BCOR: variants seen among roughly 807,000 people sequenced by gnomAD.
BCOR encodes BCL6 corepressor, also known as BCL-6 corepressor.
A neutral mutation model predicts 86.7 loss-of-function variants in BCOR; 10 were observed. The observed-to-expected ratio is 0.12, with a 90% CI of 0.07 to 0.20. The LOEUF (loss-of-function observed/expected upper bound fraction) is 0.20, where lower values mean the gene tolerates loss of function less well. BCOR is among the 10% of genes least tolerant of loss of function. The pLI, the probability that BCOR is intolerant of heterozygous loss-of-function variation, is 1.00. For missense variants in BCOR, 1,259 were observed against 1,452.1 expected (o/e 0.87, Z 2.16); for synonymous variants, 611 against 609.0 (o/e 1.00, Z -0.05).
At chrX:40,140,037 C>T (rs1266098531) in intron 1 of BCOR, among the ~76,000 whole-genome samples, 1 of 110,541 alleles carries the variant, frequency 9.0e-6, no homozygotes, top group Non-Finnish European at 1.9e-5. Context: ...AGAGAAAGCA[C>T]GGAATTCCCA....
intron 14 of BCOR, among the ~76,000 whole-genome samples, chrX:40,053,231 C>G (rs1239643283): frequency 8.9e-6 from 1 of 112,138 alleles, no homozygotes; most frequent in Non-Finnish European, 1.9e-5. Flanking sequence ...TGCATACAAC[C>G]TACCATACTT....
In BCOR at chrX:40,064,472, C is replaced by G. The variant is rs374359497; in HGVS notation, c.3366G>C (p.Ser1122=). 8.3e-7 allele frequency: 1 copy of G among 1,211,041 alleles called. No homozygotes were observed. Among genetic ancestry groups the G allele is most frequent in the African/African-American group, 1.7e-5 (1 of 57,451 alleles). Residue 1122 remains serine, a synonymous_variant, in exon 7 of 15, where the codon TCG becomes TCC. Coordinates refer to ENST00000378444, the MANE Select transcript of BCOR (RefSeq NM_001123385.2). ...VSEPPADQVA[S]DMPHSPTLRV... ...GGAGGGTGGGGCTGTGAGGCATGTC[C>G]GAGGCCACCTGGTCTGCGGGAGGCT...
chrX:40,069,527 G>A (rs925796747), intron 6 of BCOR, among the ~76,000 whole-genome samples: 3 of 112,616 alleles, frequency 2.7e-5, no homozygotes, highest in Non-Finnish European at 5.6e-5. Context: ...GGGCAAGAAG[G>A]CTGGAAGCTG....
chrX:40,073,732 C>T lies in BCOR; in HGVS notation c.1614G>A (p.Gln538=), dbSNP rs1365848265. The T allele has an allele frequency of 8.3e-7, 1 of 1,211,836 alleles. No individual in the cohort carries two copies. Among genetic ancestry groups the T allele is most frequent in the Non-Finnish European group, 1.1e-6 (1 of 895,599 alleles). ...TGCGCGGGCATGATGAACTCCGCTG[C>T]TGTGGTATCGCCCAGTCCAATGCCT... ...KNKALDWAIP[Q]QRSSSCPRMG... Residue 538 remains glutamine, a synonymous_variant, in exon 4 of 15, where the codon CAG becomes CAA. Coordinates refer to ENST00000378444, the MANE Select transcript of BCOR (RefSeq NM_001123385.2).
intron 1 of BCOR, among the ~76,000 whole-genome samples, chrX:40,137,576 AATAAAAT>A (rs1365662530): frequency 1.8e-5 from 2 of 110,495 alleles, no homozygotes; most frequent in Admixed American, 9.7e-5. Context: ...AATAAAATAA[AATAAAAT>A]ATAAAATAAA....
At chrX:40,173,889 C>A (rs1423970956) in intron 1 of BCOR, among the ~76,000 whole-genome samples, 3 of 113,182 alleles carry the variant, frequency 2.7e-5, no homozygotes, top group African/African-American at 9.6e-5. Context: ...GTATGGCAGG[C>A]CTTGTCCCTG....
intron 1 of BCOR, among the ~76,000 whole-genome samples, chrX:40,116,379 C>A (rs1393176606): frequency 9.1e-6 from 1 of 109,416 alleles, no homozygotes; most frequent in Non-Finnish European, 1.9e-5. Context: ...CGCCTGTAGT[C>A]CCAGCTACTC....
chrX:40,174,398 G>A (rs1938696726), intron 1 of BCOR, among the ~76,000 whole-genome samples: 1 of 112,228 alleles, frequency 8.9e-6, no homozygotes, highest in African/African-American at 3.2e-5. Flanking sequence ...CCCTAAATCA[G>A]AATTCCAGTT....
chrX:40,085,938 G>A (rs768343138), intron 1 of BCOR, among the ~76,000 whole-genome samples: 1 of 111,909 alleles, frequency 8.9e-6, no homozygotes, highest in Admixed American at 9.4e-5. Context: ...GGGGTACCAG[G>A]AACTCAAAGA....
chrX:40,100,987 T>C (rs1198207415), upstream of BCOR, among the ~76,000 whole-genome samples: 10 of 108,773 alleles, frequency 9.2e-5, no homozygotes, highest in South Asian at 2.4e-3. Flanking sequence ...AAAAATATCT[T>C]ATTAAGGGAG....
rs767068752 is a variant in BCOR, at chrX:40,062,781, T to G, written c.4138A>C (p.Thr1380Pro). The change falls in exon 9 of 15, where the codon ACA becomes CCA. Residue 1380 changes from threonine (T) to proline (P), a missense_variant. By Grantham distance (38) the Thr-to-Pro change is conservative. Transcript: ENST00000378444. ...GCATTCTCCACGTAGTATTCCCCTG[T>G]CAGTGGCAATCCCCGCCTGGACTCC... is the stretch of plus-strand genomic sequence containing the variant. ...PQESRRGLPL[T>P]GEYYVENADG... 1 of 1,209,565 alleles carries G rather than the reference T, an allele frequency of 8.3e-7. No individual in the cohort carries two copies. Among genetic ancestry groups the G allele is most frequent in the African/African-American group, 1.8e-5 (1 of 57,008 alleles).
chrX:40,057,896 G>A (rs1934678163), intron 10 of BCOR, among the ~76,000 whole-genome samples: 1 of 111,888 alleles, frequency 8.9e-6, no homozygotes, highest in Non-Finnish European at 1.9e-5. Context: ...TGGTCCTCAC[G>A]CCCCTTGGAA....
chrX:40,080,583 C>G (rs1310812334), intron 1 of BCOR, among the ~76,000 whole-genome samples: 1 of 111,645 alleles, frequency 9.0e-6, no homozygotes, highest in Non-Finnish European at 1.9e-5. Context: ...TGCTTCCCTT[C>G]AAAGAGCCTT....
chrX:40,099,395 C>T (rs974885246), upstream of BCOR, among the ~76,000 whole-genome samples: 5 of 111,694 alleles, frequency 4.5e-5, 1 homozygote, highest in Admixed American at 4.7e-4. Flanking sequence ...CCGGACTTCG[C>T]GGCCAATGGT....
chrX:40,170,903 A>T (rs1279347016), intron 1 of BCOR, among the ~76,000 whole-genome samples: 1 of 112,178 alleles, frequency 8.9e-6, no homozygotes, highest in East Asian at 2.8e-4. Context: ...TTTTCTACCT[A>T]AGAGAGACTG....
At chrX:40,130,455 C>A (rs1036971354) in intron 1 of BCOR, among the ~76,000 whole-genome samples, 52 of 112,378 alleles carry the variant, frequency 4.6e-4, no homozygotes, top group Admixed American at 2.4e-3. Flanking sequence ...TCAATGAGAT[C>A]ATGGAGACGT....
chrX:40,107,458 G>A (rs945453863), intron 1 of BCOR, among the ~76,000 whole-genome samples: 6 of 112,776 alleles, frequency 5.3e-5, no homozygotes, highest in Admixed American at 4.6e-4. Flanking sequence ...GCAAGCCGTG[G>A]CTCTCCGCGC....
intron 1 of BCOR, among the ~76,000 whole-genome samples, chrX:40,106,389 GGCGGCCCC>G (rs918734545): frequency 2.7e-5 from 3 of 112,209 alleles, no homozygotes; most frequent in Admixed American, 9.3e-5. Flanking sequence ...CGGCGTGTGC[GGCGGCCCC>G]GCGGGCCCGG....
upstream of BCOR, among the ~76,000 whole-genome samples, chrX:40,102,586 G>A (rs994520771): frequency 1.8e-5 from 2 of 113,923 alleles, no homozygotes; most frequent in African/African-American, 6.4e-5. Flanking sequence ...GGGAACCGCC[G>A]GGAGAGGGGG....
Sources: gnomAD v4.1 joint callset for allele counts (sites outside exome capture counted in the v4.1 genomes callset) on GRCh38, gnomAD v4.1.1 for gene constraint, MANE v1.5 for transcripts, NCBI Gene and HGNC (gene_info 2026-07-23, HGNC 2026-07-21) for gene names.